The following CLSTN2 variants were observed in gnomAD, a reference collection of about 807,000 sequenced individuals.
CLSTN2 encodes calsyntenin-2.
Under a neutral mutation model 101.2 loss-of-function variants are expected in CLSTN2, and 48 were observed. That is an observed-to-expected ratio of 0.47 (90% CI 0.38 to 0.60). The LOEUF (loss-of-function observed/expected upper bound fraction) is 0.60, where lower values mean the gene tolerates loss of function less well. Among genes scored for constraint, CLSTN2 ranks in the 20% least tolerant of loss-of-function variants. The probability of loss-of-function intolerance (pLI) is 0.00; values close to 1 mark genes in which losing one functional copy is unlikely to be tolerated. For synonymous variants in CLSTN2, 481 were observed against 463.6 expected (o/e 1.04, Z -0.48); for missense variants, 1,160 against 1,238.2 (o/e 0.94, Z 0.95).
At chr3:140,235,173 C>A (rs1033040010) in intron 2 of CLSTN2, among the ~76,000 whole-genome samples, 1 of 152,150 alleles carries the variant, frequency 6.6e-6, no homozygotes, top group Non-Finnish European at 1.5e-5. Context: ...AAAATATATT[C>A]GTTGTGTCCT....
intron 8 of CLSTN2, among the ~76,000 whole-genome samples, chr3:140,467,611 C>T (rs1207671499): frequency 6.6e-6 from 1 of 152,160 alleles, no homozygotes; most frequent in East Asian, 1.9e-4. Flanking sequence ...TATTCTGCCC[C>T]TTCCATATGC....
intron 2 of CLSTN2, among the ~76,000 whole-genome samples, chr3:140,283,395 G>A (rs1003563785): frequency 1.3e-5 from 2 of 152,124 alleles, no homozygotes; most frequent in East Asian, 1.9e-4. Flanking sequence ...GTGCAATCAC[G>A]TTTGTGCACC....
intron 2 of CLSTN2, among the ~76,000 whole-genome samples, chr3:140,350,546 A>G (rs1221008053): frequency 1.3e-5 from 2 of 152,206 alleles, no homozygotes; most frequent in Middle Eastern, 3.2e-3. Flanking sequence ...GAGCATACCA[A>G]TGACATCTTA....
intron 2 of CLSTN2, among the ~76,000 whole-genome samples, chr3:140,282,348 G>A (rs1451697107): frequency 6.6e-6 from 1 of 152,116 alleles, no homozygotes; most frequent in Non-Finnish European, 1.5e-5. Flanking sequence ...AAGTGGTACA[G>A]GTGCAGAGAG....
At chr3:140,025,848 A>G (rs929615651) in intron 1 of CLSTN2, among the ~76,000 whole-genome samples, 1 of 152,150 alleles carries the variant, frequency 6.6e-6, no homozygotes, top group African/African-American at 2.4e-5. Flanking sequence ...ATGGAGACAG[A>G]AGCAGCTCAC....
chr3:140,304,608 G>C (rs185896549), intron 2 of CLSTN2, among the ~76,000 whole-genome samples: 270 of 152,316 alleles, frequency 1.8e-3, no homozygotes, highest in African/African-American at 6.2e-3. Flanking sequence ...CATATTGGGA[G>C]CTAGGGCTTC....
intron 2 of CLSTN2, among the ~76,000 whole-genome samples, chr3:140,185,917 C>T (rs961628194): frequency 1.3e-5 from 2 of 152,158 alleles, no homozygotes; most frequent in Admixed American, 1.3e-4. Context: ...TCCACAAAAT[C>T]ATCTTTGTTG....
chr3:140,423,417 A>T (rs1432497080), intron 5 of CLSTN2, among the ~76,000 whole-genome samples: 2 of 152,222 alleles, frequency 1.3e-5, no homozygotes, highest in Non-Finnish European at 2.9e-5. Context: ...TTAATGATGG[A>T]GAAATGGTCA....
At chr3:140,191,598 C>G (rs2010566907) in intron 2 of CLSTN2, among the ~76,000 whole-genome samples, 1 of 151,790 alleles carries the variant, frequency 6.6e-6, no homozygotes, top group Non-Finnish European at 1.5e-5. Context: ...CTTCAATTCT[C>G]TATTTTATAT....
At chr3:140,424,727 T>C (rs1326087140) in intron 5 of CLSTN2, among the ~76,000 whole-genome samples, 3 of 152,140 alleles carry the variant, frequency 2.0e-5, no homozygotes, top group African/African-American at 7.2e-5. Context: ...GGAGCCAGTA[T>C]GGGGTGAATC....
chr3:140,208,558 A>G (rs139484843), intron 2 of CLSTN2, among the ~76,000 whole-genome samples: 1 of 152,210 alleles, frequency 6.6e-6, no homozygotes, highest in East Asian at 1.9e-4. Context: ...GTGTTCTGAC[A>G]TTATTATTCA....
chr3:140,538,226 T>G (rs1468094684), intron 9 of CLSTN2, among the ~76,000 whole-genome samples: 1 of 119,892 alleles, frequency 8.3e-6, no homozygotes, highest in African/African-American at 4.6e-5. Context: ...TCATGGGTTG[T>G]AACCTTCCTA....
chr3:140,069,928 A>C (rs1023961542), intron 1 of CLSTN2, among the ~76,000 whole-genome samples: 1 of 152,166 alleles, frequency 6.6e-6, no homozygotes, highest in Non-Finnish European at 1.5e-5. Context: ...CTCAGCATGA[A>C]AGTTAGGGAA....
chr3:140,079,210 T>A (rs1461967995), intron 1 of CLSTN2, among the ~76,000 whole-genome samples: 2 of 152,186 alleles, frequency 1.3e-5, no homozygotes, highest in Non-Finnish European at 2.9e-5. Flanking sequence ...GCCATCATTA[T>A]CTTGGTATTT....
chr3:140,487,461 C>T (rs777987051), intron 8 of CLSTN2, among the ~76,000 whole-genome samples: 1 of 152,204 alleles, frequency 6.6e-6, no homozygotes, highest in East Asian at 1.9e-4. Context: ...TTTGACCTCC[C>T]CTTCTCTGTA....
chr3:140,282,576 C>T (rs769504914), intron 2 of CLSTN2, among the ~76,000 whole-genome samples: 1 of 152,040 alleles, frequency 6.6e-6, no homozygotes. Flanking sequence ...TTAAAACACT[C>T]TATAAACCAA....
At chr3:140,185,385 T>C (rs1250184508) in intron 2 of CLSTN2, among the ~76,000 whole-genome samples, 1 of 152,190 alleles carries the variant, frequency 6.6e-6, no homozygotes, top group Non-Finnish European at 1.5e-5. Flanking sequence ...AAGAACACTT[T>C]AGAAGACTCA....
chr3:140,575,562 C>A lies in CLSTN2; in HGVS notation c.*9309C>A, dbSNP rs1012647353. 3 of 152,144 alleles carry A rather than the reference C, an allele frequency of 2.0e-5. No homozygotes were observed. Among genetic ancestry groups the A allele is most frequent in the Non-Finnish European group, 4.4e-5 (3 of 68,032 alleles). The allele number at this position is 152,144 out of a possible 1,614,324, so 9.4% of individuals were successfully genotyped here. On this transcript the variant is annotated 3_prime_UTR_variant, in exon 17 of 17. Coordinates refer to ENST00000458420, the MANE Select transcript of CLSTN2 (RefSeq NM_022131.3). Reference sequence around the variant, plus strand: ...AGGGTTGTTGATGTCCTGAGCTGGACAGGGTGGGCAGGAGGTTGAAGAAAA... The same window carrying A: ...AGGGTTGTTGATGTCCTGAGCTGGAAAGGGTGGGCAGGAGGTTGAAGAAAA...
At chr3:139,955,210 C>T (rs571796660) in intron 1 of CLSTN2, among the ~76,000 whole-genome samples, 23 of 145,308 alleles carry the variant, frequency 1.6e-4, no homozygotes, top group African/African-American at 4.6e-4. Context: ...GTGGCTGACC[C>T]GTGCATTGTG....
Sources: gnomAD v4.1 joint callset for allele counts (sites outside exome capture counted in the v4.1 genomes callset) on GRCh38, gnomAD v4.1.1 for gene constraint, MANE v1.5 for transcripts, NCBI Gene and HGNC (gene_info 2026-07-23, HGNC 2026-07-21) for gene names.